ZNF407: variants seen among roughly 807,000 people sequenced by gnomAD.
ZNF407 encodes the protein zinc finger protein 407.
A neutral mutation model predicts 131.2 loss-of-function variants in ZNF407; 17 were observed. The ratio of observed to expected loss-of-function variants is 0.13; its 90% confidence interval spans 0.09 to 0.19. The LOEUF (loss-of-function observed/expected upper bound fraction) is 0.19. Ranked by LOEUF, ZNF407 falls within the 10% of genes least tolerant of loss-of-function variation. ZNF407 has a pLI of 1.00. For synonymous variants in ZNF407, 1,156 were observed against 1,062.0 expected (o/e 1.09, Z -1.72); for missense variants, 2,681 against 2,830.6 (o/e 0.95, Z 1.20).
intron 3 of ZNF407, among the ~76,000 whole-genome samples, chr18:74,741,861 GA>G (rs1181141803): frequency 1.3e-5 from 2 of 152,098 alleles, no homozygotes. Flanking sequence ...CATGCTCTAT[GA>G]AAAAGCTGCC....
intron 8 of ZNF407, among the ~76,000 whole-genome samples, chr18:74,969,206 A>G (rs1471456958): frequency 6.6e-6 from 1 of 152,182 alleles, no homozygotes; most frequent in Non-Finnish European, 1.5e-5. Context: ...CATTTTTATG[A>G]TGCCTGCTTT....
intron 3 of ZNF407, among the ~76,000 whole-genome samples, chr18:74,756,217 C>T (rs1050130009): frequency 2.0e-5 from 3 of 151,946 alleles, no homozygotes; most frequent in African/African-American, 4.8e-5. Context: ...ATGCTATTAT[C>T]GCACCTTGAT....
At chr18:75,044,227 T>C (rs1042264848) in intron 8 of ZNF407, among the ~76,000 whole-genome samples, 3 of 152,034 alleles carry the variant, frequency 2.0e-5, no homozygotes, top group Admixed American at 6.6e-5. Context: ...TAGGAATATA[T>C]AGCAGCACTT....
intron 4 of ZNF407, among the ~76,000 whole-genome samples, chr18:74,842,143 T>C (rs554528627): frequency 6.5e-4 from 99 of 152,312 alleles, no homozygotes; most frequent in African/African-American, 2.3e-3. Context: ...TTTATTCTGT[T>C]GGATACTAGG....
At chr18:74,973,706 C>T (rs903335508) in intron 8 of ZNF407, among the ~76,000 whole-genome samples, 4 of 152,158 alleles carry the variant, frequency 2.6e-5, no homozygotes, top group Non-Finnish European at 5.9e-5. Context: ...GGCCAGAAGT[C>T]TGCGATCAAG....
rs750586465 is a variant in ZNF407 at position 74,635,468 on chromosome 18, G to C, written c.4449G>C (p.Gly1483=). The part of the protein sequence containing the change: ...QASVEELPEG[G]ATFKCVKCTE... Reference sequence around the variant, plus strand: ...GTGTGGAGGAGCTTCCGGAGGGAGGGGCCACCTTTAAATGTGTCAAGTGCA... The same window carrying C: ...GTGTGGAGGAGCTTCCGGAGGGAGGCGCCACCTTTAAATGTGTCAAGTGCA... Residue 1483 remains glycine (G), a synonymous_variant, in exon 2 of 9, where the codon GGG becomes GGC. Coordinates refer to ENST00000299687, the MANE Select transcript of ZNF407 (RefSeq NM_017757.3). The surrounding 1 kb of genome is among the most constrained non-coding windows in gnomAD (Gnocchi z 4.7). 3 of 1,612,926 alleles carry C rather than the reference G, an allele frequency of 1.9e-6. No individual in the cohort carries two copies. In the Admixed American group the frequency reaches 5.0e-5, roughly 27 times the overall value.
At chr18:74,902,064 G>A (rs990179077) in intron 7 of ZNF407, among the ~76,000 whole-genome samples, 2 of 152,148 alleles carry the variant, frequency 1.3e-5, no homozygotes, top group African/African-American at 2.4e-5. Context: ...AAGCTTTATT[G>A]TCCCTGGGAA....
intron 8 of ZNF407, among the ~76,000 whole-genome samples, chr18:74,924,253 G>T (rs1029425293): frequency 3.9e-5 from 6 of 152,006 alleles, no homozygotes; most frequent in African/African-American, 4.8e-5. Context: ...TCCCAATACT[G>T]AGACACAGTT....
chr18:75,012,643 C>G (rs1317188214), intron 8 of ZNF407, among the ~76,000 whole-genome samples: 1 of 151,516 alleles, frequency 6.6e-6, no homozygotes, highest in African/African-American at 2.4e-5. Flanking sequence ...CCATCACGCA[C>G]CTTGGTAGAA....
chr18:74,772,719 G>A (rs1307008823), intron 3 of ZNF407, among the ~76,000 whole-genome samples: 4 of 152,104 alleles, frequency 2.6e-5, no homozygotes, highest in Non-Finnish European at 4.4e-5. Context: ...ATCCAGTTCA[G>A]AAGGGAATTA....
chr18:74,910,964 A>T (rs1370863295), intron 7 of ZNF407, among the ~76,000 whole-genome samples: 2 of 152,034 alleles, frequency 1.3e-5, no homozygotes, highest in Admixed American at 6.6e-5. Context: ...ATCCTCATAG[A>T]CCTGGTGCTG....
intron 3 of ZNF407, among the ~76,000 whole-genome samples, chr18:74,727,940 G>A (rs1968198446): frequency 1.3e-5 from 2 of 152,210 alleles, no homozygotes; most frequent in African/African-American, 2.4e-5. Context: ...AGGTGGAGAT[G>A]CCAGTGATGA....
intron 3 of ZNF407, among the ~76,000 whole-genome samples, chr18:74,773,144 T>G (rs1431602095): frequency 6.6e-6 from 1 of 152,158 alleles, no homozygotes; most frequent in Non-Finnish European, 1.5e-5. Flanking sequence ...GCCCAGGAAA[T>G]AAATTATACC....
At chr18:75,030,648 G>A (rs367611848) in intron 8 of ZNF407, among the ~76,000 whole-genome samples, 1 of 152,154 alleles carries the variant, frequency 6.6e-6, no homozygotes, top group Non-Finnish European at 1.5e-5. Flanking sequence ...TTGCCCTCGG[G>A]CTCGGCTGGA....
chr18:74,916,417 G>A (rs1971764082), intron 7 of ZNF407, among the ~76,000 whole-genome samples: 1 of 141,036 alleles, frequency 7.1e-6, no homozygotes, highest in African/African-American at 3.0e-5. Context: ...TCGGGAGTGT[G>A]TGTGTGTGTG....
chr18:74,915,214 CAGG>C (rs903029239), intron 7 of ZNF407, among the ~76,000 whole-genome samples: 48 of 152,156 alleles, frequency 3.2e-4, no homozygotes, highest in African/African-American at 1.1e-3. Context: ...AGTGCGAGGC[CAGG>C]AGGAGTCACA....
intron 8 of ZNF407, among the ~76,000 whole-genome samples, chr18:74,967,419 A>G (rs1972421667): frequency 6.6e-6 from 1 of 152,168 alleles, no homozygotes; most frequent in Admixed American, 6.5e-5. Context: ...CCATTATTTA[A>G]CTGATCTATT....
chr18:74,970,340 T>G (rs1031082232), intron 8 of ZNF407, among the ~76,000 whole-genome samples: 3 of 152,146 alleles, frequency 2.0e-5, no homozygotes, highest in Non-Finnish European at 4.4e-5. Flanking sequence ...AAGTCTTATT[T>G]CAGCATTAAC....
At chr18:74,798,209 AAC>A (rs35388545) in intron 4 of ZNF407, among the ~76,000 whole-genome samples, 157 of 147,930 alleles carry the variant, frequency 1.1e-3, no homozygotes, top group African/African-American at 2.8e-3. Context: ...CCTTTACACA[AAC>A]ACACACACAC....
Sources: allele counts gnomAD v4.1 joint callset (sites outside exome capture counted in the v4.1 genomes callset), GRCh38; gene constraint gnomAD v4.1.1; non-coding constraint Gnocchi (gnomAD v3.1); transcripts MANE v1.5; gene names NCBI Gene and HGNC (gene_info 2026-07-23, HGNC 2026-07-21).